Variants in JPH1 observed in about 807,000 individuals in gnomAD.
JPH1 encodes junctophilin 1.
A neutral mutation model predicts 53.6 loss-of-function variants in JPH1; 12 were observed. That is an observed-to-expected ratio of 0.22 (90% CI 0.14 to 0.36). The LOEUF is 0.36. JPH1 is among the 10% of genes least tolerant of loss of function. The pLI, the probability that JPH1 is intolerant of heterozygous loss-of-function variation, is 1.00. For missense variants in JPH1, 808 were observed against 905.5 expected (o/e 0.89, Z 1.38); for synonymous variants, 375 against 363.8 (o/e 1.03, Z -0.35).
Position 74,244,567 on chromosome 8 carries a change from T to G in JPH1, c.1867A>C (p.Asn623His). The G allele has an allele frequency of 6.2e-7, 1 of 1,612,948 alleles. No individual in the cohort carries two copies. Among genetic ancestry groups the G allele is most frequent in the South Asian group, 1.1e-5 (1 of 90,834 alleles). ...ELAIPKNPAS[N>H]DSCPALEKEA... ...TTTTCCAAAGCAGGGCATGAATCGT[T>G]GCTTGCTGGATTCTTTGGTATAGCA... The change falls in exon 4 of 6, where the codon AAC (asparagine) becomes CAC (histidine). Residue 623 changes from asparagine to histidine, a missense_variant. By Grantham distance (68) the Asn-to-His change is moderately conservative (BLOSUM62 1). Transcript: ENST00000342232.
chr8:74,321,418 C>CCAGG lies in JPH1; in HGVS notation c.-132_-131insCCTG. On this transcript the variant is annotated 5_prime_UTR_variant, in exon 1 of 6. Transcript: ENST00000342232. This position sits in a 1 kb window ranked among gnomAD's most constrained non-coding sequence, Gnocchi z 4.3. ...CAGCGCCCTGGGCAGCTCGCGCTGC[C>CCAGG]GCTCGGCTCCAGTCCGACGCCGCCC... 1 of 878,662 alleles carries CCAGG rather than the reference C, an allele frequency of 1.1e-6. No homozygotes were observed. Among genetic ancestry groups the CCAGG allele is most frequent in the Non-Finnish European group, 1.6e-6 (1 of 634,798 alleles). 54.4% of individuals were successfully genotyped at this position (878,662 alleles called of 1,614,324 possible). A position where few individuals can be genotyped will look rare whatever the true frequency, so the allele number is the denominator to read the frequency against.
intron 2 of JPH1, among the ~76,000 whole-genome samples, chr8:74,301,772 T>G (rs1192743939): frequency 2.6e-5 from 4 of 152,352 alleles, no homozygotes; most frequent in Non-Finnish European, 5.9e-5. Context: ...ATTTACCATG[T>G]TATACTGACC....
intron 2 of JPH1, among the ~76,000 whole-genome samples, chr8:74,263,627 C>T (rs1430940964): frequency 6.6e-6 from 1 of 152,138 alleles, no homozygotes; most frequent in Non-Finnish European, 1.5e-5. Flanking sequence ...GGAGTATATT[C>T]CCCCTACCCA....
intron 2 of JPH1, among the ~76,000 whole-genome samples, chr8:74,276,874 A>G (rs1806864173): frequency 6.6e-6 from 1 of 152,200 alleles, no homozygotes; most frequent in African/African-American, 2.4e-5. Context: ...CAATATATAC[A>G]GTTCTCCTTA....
At chr8:74,252,151 C>T (rs1301825114) in intron 3 of JPH1, among the ~76,000 whole-genome samples, 1 of 152,128 alleles carries the variant, frequency 6.6e-6, no homozygotes. Context: ...CCCTTCCTTA[C>T]ACCTTATACA....
intron 2 of JPH1, among the ~76,000 whole-genome samples, chr8:74,292,995 C>T (rs375367954): frequency 2.0e-5 from 3 of 152,348 alleles, no homozygotes; most frequent in East Asian, 3.9e-4. Context: ...AGTTTGCACA[C>T]ACCCTAGAGC....
At chr8:74,273,948 C>G (rs1042682784) in intron 2 of JPH1, among the ~76,000 whole-genome samples, 1 of 152,162 alleles carries the variant, frequency 6.6e-6, no homozygotes, top group Admixed American at 6.5e-5. Context: ...TTTCCCGTCC[C>G]TTAGCCATCT....
chr8:74,284,890 T>C (rs1327399605), intron 2 of JPH1, among the ~76,000 whole-genome samples: 1 of 150,656 alleles, frequency 6.6e-6, no homozygotes, highest in Non-Finnish European at 1.5e-5. Context: ...AGTGGCGCAA[T>C]CTCGGCTCAC....
At position 74,320,628 on chromosome 8, in the gene JPH1, G is replaced by A. The variant is rs1808286621; in HGVS notation, c.379+281C>T. 6.6e-6 allele frequency among the ~76,000 whole-genome samples: 1 copy of A among 152,236 alleles called. No homozygotes were observed. Among genetic ancestry groups the A allele is most frequent in the East Asian group, 1.9e-4 (1 of 5,150 alleles). ...GGCGGCGCTCCCTCCCGGTGGCAGC[G>A]CAGCGCTGGCGCCGGCCAGGTACAT... On this transcript the variant is annotated intron_variant, in intron 1 of 5. Transcript: ENST00000342232. The surrounding 1 kb of genome is among the most constrained non-coding windows in gnomAD (Gnocchi z 4.4).
At chr8:74,278,152 T>C (rs965524783) in intron 2 of JPH1, among the ~76,000 whole-genome samples, 4 of 152,176 alleles carry the variant, frequency 2.6e-5, no homozygotes, top group Admixed American at 6.5e-5. Flanking sequence ...AATTGAATCA[T>C]GGGGGCAGGT....
chr8:74,254,105 G>C (rs1340895273), intron 3 of JPH1, among the ~76,000 whole-genome samples: 1 of 152,072 alleles, frequency 6.6e-6, no homozygotes, highest in Non-Finnish European at 1.5e-5. Flanking sequence ...GAGAATTTTA[G>C]ACCAATATCC....
At chr8:74,268,407 G>A (rs1806600510) in intron 2 of JPH1, among the ~76,000 whole-genome samples, 1 of 152,210 alleles carries the variant, frequency 6.6e-6, no homozygotes. Context: ...CATGGAGCAA[G>A]GAGGATGGGG....
rs140054578 is a variant in JPH1, at chr8:74,244,859, C to T, written c.1575G>A (p.Ala525=). ...MSKAPTKEAG[A]VVPQSKYSGR... ...CAGAGTACTTGGACTGGGGCACAAC[C>T]GCTCCTGCCTCCTTCGTGGGAGCCT... The change falls in exon 4 of 6, where the codon GCG becomes GCA. Residue 525 remains alanine (A), a synonymous_variant. Transcript: ENST00000342232. 1,882 of 1,614,174 alleles carry T rather than the reference C, an allele frequency of 1.2e-3. 29 individuals carry two copies. Among genetic ancestry groups the T allele is most frequent in the Middle Eastern group, 1.3e-3 (8 of 6,062 alleles).
intron 2 of JPH1, among the ~76,000 whole-genome samples, chr8:74,294,432 G>T (rs60274823): frequency 1.3e-5 from 2 of 152,098 alleles, no homozygotes; most frequent in African/African-American, 4.8e-5. Context: ...AAGCAGGCCC[G>T]GATGTCCCTG....
chr8:74,307,353 A>G (rs569855932), intron 2 of JPH1, among the ~76,000 whole-genome samples: 2 of 152,338 alleles, frequency 1.3e-5, no homozygotes, highest in African/African-American at 2.4e-5. Context: ...CAACCCTGCT[A>G]TGAAGGGTAA....
At chr8:74,251,580 C>G (rs1256327086) in intron 3 of JPH1, among the ~76,000 whole-genome samples, 1 of 152,090 alleles carries the variant, frequency 6.6e-6, no homozygotes, top group Non-Finnish European at 1.5e-5. Context: ...GAAAGCCATC[C>G]CACATGGCTT....
Position 74,236,083 on chromosome 8 carries a change from A to G in JPH1, c.*968T>C, listed in dbSNP as rs1806988930. ...GCAACGTTTGGACTATATTTCTTAG[A>G]ATTCTGTTGTGTTTCAGCTTTTAAA... On this transcript the variant is annotated 3_prime_UTR_variant, in exon 6 of 6. Transcript: ENST00000342232. 6.6e-6 allele frequency: 1 copy of G among 152,222 alleles called. No homozygotes were observed. Among genetic ancestry groups the G allele is most frequent in the South Asian group, 2.1e-4 (1 of 4,830 alleles). The allele number at this position is 152,222 out of a possible 1,614,324, so 9.4% of individuals were successfully genotyped here.
chr8:74,315,797 A>C lies in JPH1; in HGVS notation c.380-177T>G, dbSNP rs1808141364. ...TCCCCGCCCTGTAATTTTGGGTGTA[A>C]GGCTTTAATGTCATTGCACAGAATT... On this transcript the variant is annotated intron_variant, in intron 1 of 5. Coordinates refer to ENST00000342232, the MANE Select transcript of JPH1 (RefSeq NM_020647.4). The surrounding 1 kb of genome is among the most constrained non-coding windows in gnomAD (Gnocchi z 6.3). Among the ~76,000 whole-genome samples, 1 of 152,204 alleles carries C rather than the reference A, an allele frequency of 6.6e-6. No individual in the cohort carries two copies. The highest frequency in any genetic ancestry group is 1.5e-5 in the Non-Finnish European group (1 of 68,014).
intron 2 of JPH1, among the ~76,000 whole-genome samples, chr8:74,284,037 T>G (rs889721557): frequency 3.9e-5 from 6 of 152,182 alleles, no homozygotes; most frequent in Admixed American, 6.5e-5. Context: ...TTCCTTCCCT[T>G]GGACCCAGGA....
Sources: allele counts gnomAD v4.1 joint callset (sites outside exome capture counted in the v4.1 genomes callset), GRCh38; gene constraint gnomAD v4.1.1; non-coding constraint Gnocchi (gnomAD v3.1); transcripts MANE v1.5; gene names NCBI Gene and HGNC (gene_info 2026-07-23, HGNC 2026-07-21).